The following CLVS1 variants were observed in gnomAD, a reference collection of about 807,000 sequenced individuals.
The protein encoded by CLVS1 is clavesin 1, also known as clavesin-1.
Under a neutral mutation model 33.1 loss-of-function variants are expected in CLVS1, and 10 were observed. The ratio of observed to expected loss-of-function variants is 0.30; its 90% CI spans 0.19 to 0.51. The LOEUF is 0.51. CLVS1 is among the 20% of genes least tolerant of loss of function. The pLI is 0.97. For missense variants in CLVS1, 343 were observed against 433.4 expected, an observed-to-expected ratio of 0.79 and a Z score of 1.85; for synonymous variants, 163 against 166.1, an observed-to-expected ratio of 0.98 and a Z score of 0.14.
the CLVS1 span, among the ~76,000 whole-genome samples, chr8:61,004,195 C>T: frequency 6.6e-6 from 1 of 152,234 alleles, no homozygotes; most frequent in Admixed American, 6.5e-5. Context: ...GTGCTTTGCA[C>T]GTGGTAGAAA....
At chr8:61,383,363 T>C (rs991784302) in intron 3 of CLVS1, among the ~76,000 whole-genome samples, 1 of 152,246 alleles carries the variant, frequency 6.6e-6, no homozygotes, top group Non-Finnish European at 1.5e-5. Context: ...CCTGTAGGAC[T>C]CTCTTCAGCA....
intron 2 of CLVS1, among the ~76,000 whole-genome samples, chr8:61,324,824 A>T (rs1364495078): frequency 6.6e-6 from 1 of 152,146 alleles, no homozygotes; most frequent in South Asian, 2.1e-4. Context: ...GGCTGAATTA[A>T]TTTACACTCC....
intron 1 of CLVS1, among the ~76,000 whole-genome samples, chr8:61,102,513 T>A (rs1805469058): frequency 6.6e-6 from 1 of 152,260 alleles, no homozygotes; most frequent in African/African-American, 2.4e-5. Context: ...TCTTAGGGAT[T>A]TCTATGTACC....
At chr8:61,400,074 G>A (rs1458703321) in intron 3 of CLVS1, among the ~76,000 whole-genome samples, 2 of 152,192 alleles carry the variant, frequency 1.3e-5, no homozygotes, top group African/African-American at 4.8e-5. Flanking sequence ...TGTGAAGAAT[G>A]TCAATGGTAG....
intron 2 of CLVS1, among the ~76,000 whole-genome samples, chr8:61,360,213 G>C (rs1359187231): frequency 1.3e-5 from 2 of 152,122 alleles, no homozygotes; most frequent in African/African-American, 2.4e-5. Context: ...GGTCTTCCCA[G>C]AGACCAGGAT....
chr8:60,965,552 C>G, the CLVS1 span, among the ~76,000 whole-genome samples: 19 of 152,188 alleles, frequency 1.2e-4, no homozygotes, highest in Admixed American at 4.6e-4. Context: ...TTAGGCACCC[C>G]TGATGGAGGG....
intron 3 of CLVS1, among the ~76,000 whole-genome samples, chr8:61,384,206 T>C (rs532004506): frequency 6.6e-6 from 1 of 152,320 alleles, no homozygotes; most frequent in South Asian, 2.1e-4. Flanking sequence ...TTTTTTGGAA[T>C]GCACAGGCAC....
chr8:61,095,715 C>A (rs139947198), intron 1 of CLVS1, among the ~76,000 whole-genome samples: 116 of 152,316 alleles, frequency 7.6e-4, no homozygotes, highest in African/African-American at 2.8e-3. Flanking sequence ...AAAACAAAGA[C>A]CCCAAGCATA....
chr8:61,377,215 G>A (rs1813683308), intron 3 of CLVS1: 1 of 154,964 alleles, frequency 6.5e-6, no homozygotes, highest in Non-Finnish European at 1.4e-5. Flanking sequence ...TTGCGCTTAA[G>A]TGGATCACTT....
chr8:61,250,056 A>C (rs1246128007), intron 2 of CLVS1, among the ~76,000 whole-genome samples: 1 of 152,080 alleles, frequency 6.6e-6, no homozygotes, highest in African/African-American at 2.4e-5. Context: ...TAAGTCTTAC[A>C]TTTAAGTCTT....
chr8:61,369,669 G>A (rs75322877), intron 2 of CLVS1, among the ~76,000 whole-genome samples: 2,272 of 152,324 alleles, frequency 0.015, 48 homozygotes, highest in African/African-American at 0.052. Flanking sequence ...ATTTTGGATA[G>A]TGCTAGCGAT....
At chr8:61,482,881 C>A (rs1273541032) in intron 5 of CLVS1, among the ~76,000 whole-genome samples, 2 of 152,170 alleles carry the variant, frequency 1.3e-5, no homozygotes, top group East Asian at 1.9e-4. Context: ...TAAAGATGTT[C>A]TTTGAAACCA....
chr8:61,161,526 G>C (rs537143731), intron 2 of CLVS1, among the ~76,000 whole-genome samples: 1 of 152,166 alleles, frequency 6.6e-6, no homozygotes, highest in African/African-American at 2.4e-5. Flanking sequence ...AGGATTTTAT[G>C]CTAAGTAAAA....
At chr8:61,169,592 C>T (rs1355141024) in intron 2 of CLVS1, among the ~76,000 whole-genome samples, 1 of 152,198 alleles carries the variant, frequency 6.6e-6, no homozygotes, top group African/African-American at 2.4e-5. Flanking sequence ...AGTTCCATCC[C>T]ACTCTTTCTT....
At chr8:61,188,201 A>G (rs932805281) in intron 2 of CLVS1, among the ~76,000 whole-genome samples, 1 of 152,166 alleles carries the variant, frequency 6.6e-6, no homozygotes, top group Non-Finnish European at 1.5e-5. Context: ...CATGGCATTG[A>G]AGACCAAGTC....
chr8:61,434,084 A>G (rs1376728189), intron 3 of CLVS1, among the ~76,000 whole-genome samples: 1 of 152,208 alleles, frequency 6.6e-6, no homozygotes, highest in Admixed American at 6.5e-5. Context: ...TGAAGTAAAC[A>G]GAAGTCAGAT....
chr8:61,275,952 G>A (rs771049071), intron 2 of CLVS1, among the ~76,000 whole-genome samples: 42 of 152,074 alleles, frequency 2.8e-4, no homozygotes, highest in Non-Finnish European at 5.1e-4. Context: ...AAGAGGCAGT[G>A]GTATTTCTTA....
At chr8:61,135,061 G>C (rs1479892642) in intron 2 of CLVS1, among the ~76,000 whole-genome samples, 1 of 151,762 alleles carries the variant, frequency 6.6e-6, no homozygotes, top group Non-Finnish European at 1.5e-5. Flanking sequence ...GCTTTGAGTG[G>C]CACAAGAGGA....
intron 3 of CLVS1, among the ~76,000 whole-genome samples, chr8:61,406,690 C>G (rs1283362455): frequency 6.6e-6 from 1 of 152,062 alleles, no homozygotes; most frequent in East Asian, 1.9e-4. Flanking sequence ...TCACTGCAAC[C>G]TCCTCCTCCC....
Sources: allele counts gnomAD v4.1 joint callset (sites outside exome capture counted in the v4.1 genomes callset), GRCh38; gene constraint gnomAD v4.1.1; transcripts MANE v1.5; gene names NCBI Gene and HGNC (gene_info 2026-07-23, HGNC 2026-07-21).